Variants in AUTS2 observed in about 807,000 individuals in gnomAD.
The protein encoded by AUTS2 is autism susceptibility gene 2 protein.
A neutral mutation model predicts 112.4 loss-of-function variants in AUTS2; 17 were observed. The ratio of observed to expected loss-of-function variants is 0.15; its 90% CI spans 0.10 to 0.23. The LOEUF is 0.23. AUTS2 is among the 10% of genes least tolerant of loss of function. The pLI is 1.00. For synonymous variants in AUTS2, 751 were observed against 702.7 expected (o/e 1.07, Z -1.09); for missense variants, 1,510 against 1,701.6 (o/e 0.89, Z 1.98).
chr7:70,696,998 A>G (rs192646608), intron 5 of AUTS2, among the ~76,000 whole-genome samples: 1 of 152,348 alleles, frequency 6.6e-6, no homozygotes, highest in Non-Finnish European at 1.5e-5. Flanking sequence ...AAATACACAT[A>G]TCTCGAGTTT....
chr7:70,763,491 G>A (rs981583219), intron 7 of AUTS2, 150 bp downstream of exon 7: 3 of 641,330 alleles, frequency 4.7e-6, no homozygotes, highest in Admixed American at 6.0e-5. Context: ...GAATGGGGCT[G>A]TTGGGTGAGA....
chr7:69,698,645 C>A (rs1797665225), intron 1 of AUTS2, among the ~76,000 whole-genome samples: 1 of 152,198 alleles, frequency 6.6e-6, no homozygotes, highest in Non-Finnish European at 1.5e-5. Context: ...TTAGACTTAA[C>A]ACAAGAAACA....
At chr7:70,423,581 G>A (rs1585127916) in intron 4 of AUTS2, among the ~76,000 whole-genome samples, 2 of 152,238 alleles carry the variant, frequency 1.3e-5, no homozygotes, top group East Asian at 1.9e-4. Context: ...TTTAGTCCCT[G>A]TGTGCAGGTT....
intron 4 of AUTS2, among the ~76,000 whole-genome samples, chr7:70,197,500 C>G (rs1350882835): frequency 2.2e-5 from 3 of 133,666 alleles, no homozygotes; most frequent in African/African-American, 8.6e-5. Context: ...GTGCGCGAGC[C>G]GAAGCAGGGC....
At chr7:69,783,281 C>T (rs1483505691) in intron 1 of AUTS2, among the ~76,000 whole-genome samples, 10 of 152,004 alleles carry the variant, frequency 6.6e-5, no homozygotes, top group African/African-American at 2.4e-4. Flanking sequence ...TGATTTTACA[C>T]TGGGACTGTT....
In AUTS2 at chr7:70,085,778, G is replaced by C. The variant is rs572200384; in HGVS notation, c.523-32354G>C. Among the ~76,000 whole-genome samples, 4 of 152,242 alleles carry C rather than the reference G, an allele frequency of 2.6e-5. No homozygotes were observed. In the South Asian group the frequency reaches 8.3e-4, roughly 32 times the overall value. Reference sequence around the variant, plus strand: ...TCAAAAATCAGTTGTTTATTTACATGTAGGCCTAATTTTCTTCCTTTTTAC... The same window carrying C: ...TCAAAAATCAGTTGTTTATTTACATCTAGGCCTAATTTTCTTCCTTTTTAC... On this transcript the variant is annotated intron_variant, in intron 2 of 18. Transcript: ENST00000342771.
chr7:70,344,718 TC>T (rs1272566951), intron 4 of AUTS2, among the ~76,000 whole-genome samples: 1 of 152,104 alleles, frequency 6.6e-6, no homozygotes, highest in Non-Finnish European at 1.5e-5. Flanking sequence ...GCAGTATGTC[TC>T]CCCCACCCCA....
At chr7:70,475,722 A>G (rs1408566735) in intron 5 of AUTS2, among the ~76,000 whole-genome samples, 1 of 152,190 alleles carries the variant, frequency 6.6e-6, no homozygotes, top group Non-Finnish European at 1.5e-5. Flanking sequence ...CTGAGTGGGG[A>G]TAAGACGAGG....
intron 5 of AUTS2, among the ~76,000 whole-genome samples, chr7:70,604,061 A>G (rs1279563837): frequency 6.6e-6 from 1 of 152,228 alleles, no homozygotes; most frequent in Non-Finnish European, 1.5e-5. Flanking sequence ...GACCCGGTGT[A>G]AGGTGTTTTG....
At chr7:70,210,935 C>T (rs1372370979) in intron 4 of AUTS2, among the ~76,000 whole-genome samples, 2 of 152,048 alleles carry the variant, frequency 1.3e-5, no homozygotes, top group African/African-American at 2.4e-5. Flanking sequence ...TGGTGAGCCT[C>T]GGGAAGCTAG....
intron 1 of AUTS2, among the ~76,000 whole-genome samples, chr7:69,837,070 A>T (rs1223380310): frequency 1.3e-5 from 2 of 152,202 alleles, no homozygotes; most frequent in Non-Finnish European, 1.5e-5. Flanking sequence ...TTCATGAAAT[A>T]GCGACAAATC....
intron 1 of AUTS2, among the ~76,000 whole-genome samples, chr7:69,616,557 T>G (rs546831153): frequency 4.9e-4 from 74 of 152,318 alleles, no homozygotes; most frequent in African/African-American, 1.4e-3. Context: ...CTGTAAATAT[T>G]CTAGGGATGC....
intron 4 of AUTS2, among the ~76,000 whole-genome samples, chr7:70,307,889 C>T (rs79710159): frequency 4.6e-5 from 7 of 152,154 alleles, no homozygotes; most frequent in African/African-American, 1.2e-4. Flanking sequence ...TACCTTTGAG[C>T]ATAACCACAT....
At chr7:70,181,727 G>A (rs930867722) in intron 4 of AUTS2, among the ~76,000 whole-genome samples, 2 of 150,998 alleles carry the variant, frequency 1.3e-5, no homozygotes, top group Non-Finnish European at 2.9e-5. Context: ...GACCTCAGGT[G>A]ATCCGCCCCC....
At chr7:70,048,741 C>A (rs975386633) in intron 2 of AUTS2, among the ~76,000 whole-genome samples, 2 of 152,054 alleles carry the variant, frequency 1.3e-5, no homozygotes, top group African/African-American at 4.8e-5. Flanking sequence ...GACCTGAGGT[C>A]CTTGTCAAAA....
At chr7:70,015,593 T>C (rs1799990361) in intron 2 of AUTS2, among the ~76,000 whole-genome samples, 1 of 152,220 alleles carries the variant, frequency 6.6e-6, no homozygotes, top group Non-Finnish European at 1.5e-5. Flanking sequence ...ACAACCCATG[T>C]TGTGAGAAGA....
chr7:69,724,088 TG>T (rs764660198), intron 1 of AUTS2, among the ~76,000 whole-genome samples: 1 of 152,020 alleles, frequency 6.6e-6, no homozygotes, highest in Non-Finnish European at 1.5e-5. Flanking sequence ...TGTGTTAATG[TG>T]GGGGGAAAAA....
intron 4 of AUTS2, among the ~76,000 whole-genome samples, chr7:70,171,027 ATGAT>A (rs1374164561): frequency 2.0e-5 from 3 of 152,324 alleles, no homozygotes; most frequent in Admixed American, 6.5e-5. Flanking sequence ...AATTCACTGA[ATGAT>A]AGACGGAAAT....
chr7:69,648,209 TTCA>T (rs1465967273), intron 1 of AUTS2, among the ~76,000 whole-genome samples: 1 of 152,142 alleles, frequency 6.6e-6, no homozygotes, highest in Non-Finnish European at 1.5e-5. Context: ...CTGTACATAA[TTCA>T]TCAAGAGCAC....
Sources: gnomAD v4.1 joint callset for allele counts (sites outside exome capture counted in the v4.1 genomes callset) on GRCh38, gnomAD v4.1.1 for gene constraint, MANE v1.5 for transcripts, NCBI Gene and HGNC (gene_info 2026-07-23, HGNC 2026-07-21) for gene names.